MSRB3: variants seen among roughly 807,000 people sequenced by gnomAD.
MSRB3 encodes methionine-R-sulfoxide reductase B3.
A neutral mutation model predicts 21.0 loss-of-function variants in MSRB3; 13 were observed. The ratio of observed to expected loss-of-function variants is 0.62; its 90% confidence interval spans 0.40 to 0.98. The LOEUF (loss-of-function observed/expected upper bound fraction) is 0.98. Among genes scored for constraint, MSRB3 ranks in the 50% least tolerant of loss-of-function variants. The pLI, the probability that MSRB3 is intolerant of heterozygous loss-of-function variation, is 0.00. For missense variants in MSRB3, 199 were observed against 230.3 expected, an observed-to-expected ratio of 0.86 and a Z score of 0.88; for synonymous variants, 87 against 88.6, an observed-to-expected ratio of 0.98 and a Z score of 0.10.
chr12:65,432,490 A>C (rs1565889632), intron 5 of MSRB3, among the ~76,000 whole-genome samples: 1 of 151,954 alleles, frequency 6.6e-6, no homozygotes, highest in Non-Finnish European at 1.5e-5. Context: ...CTGACAATTA[A>C]AGCAATTAAT....
In MSRB3 at chr12:65,324,048, G is replaced by A. The variant is rs139062975; in HGVS notation, c.77-2778G>A. 2.9e-3 allele frequency among the ~76,000 whole-genome samples: 449 copies of A among 152,210 alleles called. 2 individuals carry two copies. The highest frequency in any genetic ancestry group is 0.01 in the African/African-American group (420 of 41,526). ...TGAGAATATAGTATAACCAAAGAAT[G>A]AAAATGTACAAAGTTTGACAACTTT... On this transcript the variant is annotated intron_variant, in intron 2 of 6. Coordinates refer to ENST00000308259, the MANE Select transcript of MSRB3 (RefSeq NM_001031679.3).
chr12:65,447,567 G>A (rs966973948), intron 5 of MSRB3, among the ~76,000 whole-genome samples: 1 of 152,138 alleles, frequency 6.6e-6, no homozygotes, highest in Non-Finnish European at 1.5e-5. Flanking sequence ...ATAAAATTCT[G>A]AACATTTAAA....
intron 4 of MSRB3, among the ~76,000 whole-genome samples, chr12:65,350,525 T>C (rs1876892469): frequency 6.6e-6 from 1 of 151,010 alleles, no homozygotes; most frequent in Non-Finnish European, 1.5e-5. Flanking sequence ...GCAAATTGGA[T>C]AAAGAGTCAA....
chr12:65,372,283 GA>G (rs887009361), intron 5 of MSRB3, among the ~76,000 whole-genome samples: 1 of 152,122 alleles, frequency 6.6e-6, no homozygotes, highest in Non-Finnish European at 1.5e-5. Context: ...CAGAGGCCCT[GA>G]ATTAATTCTG....
intron 2 of MSRB3, chr12:65,316,020 C>A (rs1874275171): frequency 6.6e-6 from 1 of 152,102 alleles, no homozygotes; most frequent in Non-Finnish European, 1.5e-5. Context: ...AATCTTCCTT[C>A]TGCAAATTTT....
At position 65,463,411 on chromosome 12, in the gene MSRB3, A is replaced by G; in HGVS notation, c.*89A>G. 1 of 1,481,656 alleles carries G rather than the reference A, an allele frequency of 6.7e-7. No individual in the cohort carries two copies. 91.8% of individuals were successfully genotyped at this position (1,481,656 alleles called of 1,614,324 possible). ...GTTATCTTAATAGATATATTTTTTC[A>G]AAAACTATAAGGGCAGTTTTGTGCT... On this transcript the variant is annotated 3_prime_UTR_variant, in exon 7 of 7. Coordinates refer to ENST00000308259, the MANE Select transcript of MSRB3 (RefSeq NM_001031679.3).
chr12:65,373,749 G>A (rs1257892098), intron 5 of MSRB3, among the ~76,000 whole-genome samples: 3 of 152,112 alleles, frequency 2.0e-5, no homozygotes, highest in Non-Finnish European at 2.9e-5. Context: ...AGCCGAGAGT[G>A]TAGAAGGTTA....
At chr12:65,357,757 A>G (rs1010350059) in intron 4 of MSRB3, among the ~76,000 whole-genome samples, 6 of 151,740 alleles carry the variant, frequency 4.0e-5, no homozygotes, top group Non-Finnish European at 7.4e-5. Flanking sequence ...TTTGTCTGGT[A>G]TTTTTCTCAT....
At chr12:65,318,961 G>C (rs778744488) in intron 2 of MSRB3, among the ~76,000 whole-genome samples, 1 of 152,088 alleles carries the variant, frequency 6.6e-6, no homozygotes, top group South Asian at 2.1e-4. Flanking sequence ...ACAGTCATTC[G>C]GGTGAATTAT....
intron 1 of MSRB3, among the ~76,000 whole-genome samples, chr12:65,281,056 G>A (rs950913646): frequency 1.3e-5 from 2 of 152,016 alleles, no homozygotes; most frequent in Admixed American, 1.3e-4. Flanking sequence ...GGGATACCCT[G>A]TCTCTACAAA....
At chr12:65,442,346 C>T (rs890200789) in intron 5 of MSRB3, among the ~76,000 whole-genome samples, 3 of 151,858 alleles carry the variant, frequency 2.0e-5, no homozygotes, top group Non-Finnish European at 2.9e-5. Flanking sequence ...AAGTACCCAA[C>T]CAAAAAATGT....
At chr12:65,365,501 G>A (rs1453411077) in intron 4 of MSRB3, among the ~76,000 whole-genome samples, 2 of 152,154 alleles carry the variant, frequency 1.3e-5, no homozygotes, top group Non-Finnish European at 2.9e-5. Flanking sequence ...GGATCATGGA[G>A]GACCCTTTAT....
chr12:65,328,246 CT>C (rs543873955), intron 3 of MSRB3, among the ~76,000 whole-genome samples: 55 of 146,240 alleles, frequency 3.8e-4, no homozygotes, highest in South Asian at 6.5e-4. Context: ...AAACTACAGG[CT>C]TTTTTTTTTA....
At chr12:65,314,693 A>C (rs2136431664) in intron 2 of MSRB3, among the ~76,000 whole-genome samples, 1 of 152,290 alleles carries the variant, frequency 6.6e-6, no homozygotes, top group Non-Finnish European at 1.5e-5. Flanking sequence ...AATTCTTTAT[A>C]TACCTTAAGA....
At chr12:65,328,937 C>A (rs971732030) in intron 4 of MSRB3, among the ~76,000 whole-genome samples, 2 of 152,062 alleles carry the variant, frequency 1.3e-5, no homozygotes, top group Non-Finnish European at 2.9e-5. Flanking sequence ...CAAATGACAG[C>A]CTTAAATATT....
At chr12:65,461,385 A>T (rs1022859436) in intron 6 of MSRB3, among the ~76,000 whole-genome samples, 3 of 152,244 alleles carry the variant, frequency 2.0e-5, no homozygotes, top group Admixed American at 2.0e-4. Flanking sequence ...CTAAACCTGC[A>T]TCGAATGTGG....
At chr12:65,390,698 CA>C (rs1422744736) in intron 5 of MSRB3, among the ~76,000 whole-genome samples, 2 of 151,790 alleles carry the variant, frequency 1.3e-5, no homozygotes, top group Admixed American at 6.6e-5. Context: ...TTTATTGTGG[CA>C]AAAAAACCCT....
intron 4 of MSRB3, among the ~76,000 whole-genome samples, chr12:65,353,626 T>C (rs1051955913): frequency 1.8e-4 from 27 of 151,732 alleles, no homozygotes; most frequent in South Asian, 1.7e-3. Context: ...TGTCTCTGCA[T>C]GTGAGATGGG....
chr12:65,327,024 G>C, intron 3 of MSRB3, 90 bp downstream of exon 3: 1 of 906,858 alleles, frequency 1.1e-6, no homozygotes, highest in Non-Finnish European at 1.8e-6. Flanking sequence ...TTAATTTAAA[G>C]CATTCTATAC....
Sources: gnomAD v4.1 joint callset for allele counts (sites outside exome capture counted in the v4.1 genomes callset) on GRCh38, gnomAD v4.1.1 for gene constraint, MANE v1.5 for transcripts, NCBI Gene and HGNC (gene_info 2026-07-23, HGNC 2026-07-21) for gene names.